Variants in SPTLC2 observed in about 807,000 individuals in gnomAD.
The protein encoded by SPTLC2 is serine palmitoyltransferase 2.
In SPTLC2, 21 loss-of-function variants were observed where a neutral mutation model predicts 62.0. The ratio of observed to expected loss-of-function variants is 0.34; its 90% CI spans 0.24 to 0.49. SPTLC2 has a LOEUF of 0.49. Ranked by LOEUF, SPTLC2 falls within the 20% of genes least tolerant of loss-of-function variation. The probability of loss-of-function intolerance (pLI) is 0.99; values close to 1 mark genes in which losing one functional copy is unlikely to be tolerated. For synonymous variants in SPTLC2, 261 were observed against 261.8 expected, an observed-to-expected ratio of 1.00 and a Z score of 0.03; for missense variants, 511 against 713.0, an observed-to-expected ratio of 0.72 and a Z score of 3.23.
chr14:77,555,013 G>A, intron 8 of SPTLC2: 1 of 419,334 alleles, frequency 2.4e-6, no homozygotes, highest in Non-Finnish European at 4.5e-6. Flanking sequence ...AGAAGGCTGG[G>A]GCGGGCAGGG....
intron 9 of SPTLC2, among the ~76,000 whole-genome samples, chr14:77,545,180 T>C (rs2079521238): frequency 1.3e-5 from 2 of 151,764 alleles, no homozygotes; most frequent in Admixed American, 1.3e-4. Flanking sequence ...TTTAGATAAT[T>C]AGAAAAACTA....
chr14:77,597,991 G>A lies in SPTLC2; in HGVS notation c.133-611C>T, dbSNP rs189926697. Among the ~76,000 whole-genome samples, 315 of 151,866 alleles carry A rather than the reference G, an allele frequency of 2.1e-3. 2 individuals carry two copies. The highest frequency in any genetic ancestry group is 7.3e-3 in the African/African-American group (302 of 41,416). ...TACAAAACTAGGTGGGTGTGGTGGC[G>A]CATGCCTATAATCTCAGCTATTCAG... On this transcript the variant is annotated intron_variant, in intron 1 of 11. Coordinates refer to ENST00000216484, the MANE Select transcript of SPTLC2 (RefSeq NM_004863.4).
intron 2 of SPTLC2, among the ~76,000 whole-genome samples, chr14:77,596,578 G>A (rs2079848971): frequency 6.6e-6 from 1 of 151,554 alleles, no homozygotes; most frequent in Non-Finnish European, 1.5e-5. Context: ...AAAGTGAAGT[G>A]AATGAAGAAG....
intron 9 of SPTLC2, among the ~76,000 whole-genome samples, chr14:77,534,748 A>T (rs1216793902): frequency 1.3e-5 from 2 of 152,170 alleles, no homozygotes; most frequent in Non-Finnish European, 2.9e-5. Flanking sequence ...TTAAAAAAAC[A>T]TATGCTGAGC....
At chr14:77,596,038 A>G (rs1421858546) in intron 2 of SPTLC2, among the ~76,000 whole-genome samples, 1 of 151,906 alleles carries the variant, frequency 6.6e-6, no homozygotes, top group Non-Finnish European at 1.5e-5. Context: ...AATAACAAGT[A>G]AAAAAAACAA....
intron 3 of SPTLC2, among the ~76,000 whole-genome samples, chr14:77,578,070 G>A (rs2079726792): frequency 6.6e-6 from 1 of 151,682 alleles, no homozygotes; most frequent in South Asian, 2.1e-4. Context: ...ACTTGAACTT[G>A]GGAGGTGGAG....
chr14:77,565,242 C>CA (rs59356054), intron 5 of SPTLC2, among the ~76,000 whole-genome samples: 6,084 of 33,672 alleles, frequency 0.18, 1,404 homozygotes, highest in East Asian at 0.53. Flanking sequence ...AACTCCATCT[C>CA]AAAAAAAAAA....
intron 9 of SPTLC2, among the ~76,000 whole-genome samples, chr14:77,540,205 CAAAA>C (rs34847653): frequency 1.1e-5 from 1 of 87,690 alleles, no homozygotes; most frequent in Non-Finnish European, 2.3e-5. Context: ...ACTCTTGTCT[CAAAA>C]AAAAAAAAAA....
At chr14:77,533,172 C>T (rs1188821879) in intron 9 of SPTLC2, among the ~76,000 whole-genome samples, 4 of 151,982 alleles carry the variant, frequency 2.6e-5, no homozygotes, top group East Asian at 3.9e-4. Context: ...TGGTGGTGCA[C>T]GCCTGGAGTT....
chr14:77,545,569 G>A lies in SPTLC2; in HGVS notation c.1303+6527C>T, dbSNP rs10133381. On this transcript the variant is annotated intron_variant, in intron 9 of 11. Coordinates refer to ENST00000216484, the MANE Select transcript of SPTLC2 (RefSeq NM_004863.4). ...CAGGCGTGAGCCATCGTGCCCGGCC[G>A]GGTATCAGGTTCTTACTTTGAGCAG... 6.5e-3 allele frequency among the ~76,000 whole-genome samples: 989 copies of A among 152,236 alleles called. 10 individuals carry two copies. Among genetic ancestry groups the A allele is most frequent in the African/African-American group, 0.022 (924 of 41,546 alleles).
In SPTLC2 at chr14:77,527,645, T is replaced by C. The variant is rs188510652; in HGVS notation, c.1304-6064A>G. On this transcript the variant is annotated intron_variant, in intron 9 of 11. Transcript: ENST00000216484. ...ATCTTAAGGTTAGAAGGAACTACTA[T>C]ATTATTACTGAAATAAACTCCATAA... Among the ~76,000 whole-genome samples the C allele has an allele frequency of 3.3e-5, 5 of 152,306 alleles. No individual in the cohort carries two copies. The East Asian group carries it at 9.6e-4, about 29-fold the overall frequency.
chr14:77,532,175 C>T (rs1011095316), intron 9 of SPTLC2, among the ~76,000 whole-genome samples: 14 of 152,276 alleles, frequency 9.2e-5, no homozygotes, highest in Middle Eastern at 3.4e-3. Context: ...TTTGGTGCTG[C>T]ATATTCCGGG....
At chr14:77,539,483 C>CTT (rs71128638) in intron 9 of SPTLC2, among the ~76,000 whole-genome samples, 6,307 of 53,454 alleles carry the variant, frequency 0.12, 816 homozygotes, top group Non-Finnish European at 0.13. Flanking sequence ...TCTTAAGAGG[C>CTT]TTTTTTTTTT....
rs769126761 is a variant in SPTLC2 at position 77,511,780 on chromosome 14, T to G, written c.*504A>C. 1.1e-5 allele frequency: 2 copies of G among 180,602 alleles called. No homozygotes were observed. Among genetic ancestry groups the G allele is most frequent in the Non-Finnish European group, 2.4e-5 (2 of 83,908 alleles). 11.2% of individuals were successfully genotyped at this position (180,602 alleles called of 1,614,324 possible). The stretch of plus-strand genomic sequence containing the variant: ...AAGGGTGAAAACTTCCGTTGATTAC[T>G]TGAATGGTTAAATAAGGATTCCAAG... On this transcript the variant is annotated 3_prime_UTR_variant, in exon 12 of 12. Coordinates refer to ENST00000216484, the MANE Select transcript of SPTLC2 (RefSeq NM_004863.4).
chr14:77,581,220 G>A (rs2079748303), intron 2 of SPTLC2, among the ~76,000 whole-genome samples: 1 of 152,094 alleles, frequency 6.6e-6, no homozygotes, highest in Non-Finnish European at 1.5e-5. Context: ...AAAAGCTTAA[G>A]CCTTATTCTG....
chr14:77,614,457 A>T (rs913120800), intron 1 of SPTLC2, among the ~76,000 whole-genome samples: 1 of 151,876 alleles, frequency 6.6e-6, no homozygotes, highest in South Asian at 2.1e-4. Context: ...GAGGTCAGGA[A>T]ATCAAGACCA....
intron 3 of SPTLC2, among the ~76,000 whole-genome samples, chr14:77,578,337 T>C (rs531387860): frequency 2.5e-4 from 37 of 149,992 alleles, no homozygotes; most frequent in African/African-American, 8.6e-4. Context: ...AGCTTTTCTT[T>C]TTTTTTTTTT....
At chr14:77,539,769 C>T (rs1404621734) in intron 9 of SPTLC2, among the ~76,000 whole-genome samples, 7 of 151,846 alleles carry the variant, frequency 4.6e-5, no homozygotes, top group African/African-American at 1.5e-4. Context: ...GCATTACAGG[C>T]GTGAGCCACT....
intron 5 of SPTLC2, among the ~76,000 whole-genome samples, chr14:77,565,003 G>A (rs2079636674): frequency 1.3e-5 from 2 of 152,032 alleles, no homozygotes; most frequent in Non-Finnish European, 2.9e-5. Context: ...ACTTTGGGAG[G>A]CTGAGGTGGC....
Sources: allele counts gnomAD v4.1 joint callset (sites outside exome capture counted in the v4.1 genomes callset), GRCh38; gene constraint gnomAD v4.1.1; transcripts MANE v1.5; gene names NCBI Gene and HGNC (gene_info 2026-07-23, HGNC 2026-07-21).